ADARB2: variants seen among roughly 807,000 people sequenced by gnomAD.
ADARB2 encodes adenosine deaminase RNA specific B2 (inactive), also known as inactive double-stranded RNA-specific editase B2.
A neutral mutation model predicts 62.2 loss-of-function variants in ADARB2; 25 were observed. The observed-to-expected ratio is 0.40, with a 90% CI of 0.29 to 0.56. The LOEUF (loss-of-function observed/expected upper bound fraction) is 0.56. Among genes scored for constraint, ADARB2 ranks in the 20% least tolerant of loss-of-function variants. ADARB2 has a pLI of 0.43. For missense variants in ADARB2, 1,071 were observed against 1,077.4 expected, an observed-to-expected ratio of 0.99 and a Z score of 0.08; for synonymous variants, 572 against 500.8, an observed-to-expected ratio of 1.14 and a Z score of -1.90.
At chr10:1,365,020 C>A (rs539626717) in intron 2 of ADARB2, among the ~76,000 whole-genome samples, 1 of 151,988 alleles carries the variant, frequency 6.6e-6, no homozygotes, top group Non-Finnish European at 1.5e-5. Context: ...TTACAGGCAC[C>A]CACCACCACG....
intron 1 of ADARB2, among the ~76,000 whole-genome samples, chr10:1,723,714 A>G (rs1564204997): frequency 6.6e-6 from 1 of 152,204 alleles, no homozygotes; most frequent in Non-Finnish European, 1.5e-5. Flanking sequence ...CCAAAGGGCC[A>G]GGAAGGGAGA....
intron 1 of ADARB2, among the ~76,000 whole-genome samples, chr10:1,563,066 G>A (rs529007084): frequency 2.6e-5 from 4 of 152,070 alleles, no homozygotes; most frequent in Non-Finnish European, 5.9e-5. Context: ...TCCTCCGCAC[G>A]TGACCTCCTG....
rs371717302 is a variant in ADARB2, at chr10:1,276,463, G to C, written c.1078-5394C>G. ...TTTTCTTCCATTTTGTAGTTTGCCT[G>C]TTCACTCTGATGGTAGTTTCTTTTG... On this transcript the variant is annotated intron_variant, in intron 3 of 9. Coordinates refer to ENST00000381312, the MANE Select transcript of ADARB2 (RefSeq NM_018702.4). 3.0e-3 allele frequency among the ~76,000 whole-genome samples: 455 copies of C among 151,950 alleles called. 3 individuals are homozygous for C. The highest frequency in any genetic ancestry group is 0.016 in the East Asian group (83 of 5,150).
intron 1 of ADARB2, among the ~76,000 whole-genome samples, chr10:1,521,122 C>T (rs754110013): frequency 2.6e-5 from 4 of 152,074 alleles, no homozygotes; most frequent in Admixed American, 6.5e-5. Context: ...ACAGGCGGCC[C>T]GGAGTCGGGT....
intron 3 of ADARB2, among the ~76,000 whole-genome samples, chr10:1,361,878 C>T (rs12774968): frequency 0.33 from 50,218 of 152,094 alleles, 9,046 homozygotes; most frequent in South Asian, 0.51. Context: ...GGGCTAAGTG[C>T]TTTTTAACTA....
In ADARB2 at chr10:1,644,004, G is replaced by C. The variant is rs1225969125; in HGVS notation, c.100+93047C>G. Among the ~76,000 whole-genome samples the C allele has an allele frequency of 3.3e-5, 5 of 152,152 alleles. 1 individual carries two copies. Among genetic ancestry groups the C allele is most frequent in the African/African-American group, 4.8e-5 (2 of 41,432 alleles). On this transcript the variant is annotated intron_variant, in intron 1 of 9. Coordinates refer to ENST00000381312, the MANE Select transcript of ADARB2 (RefSeq NM_018702.4). ...TACCGAATCGCACGCAGCCCACACG[G>C]CTGTCTCCCGGCCCCACTCGGCCCA... is the stretch of plus-strand genomic sequence containing the variant.
At chr10:1,324,097 G>A (rs2131828879) in intron 3 of ADARB2, among the ~76,000 whole-genome samples, 1 of 152,304 alleles carries the variant, frequency 6.6e-6, no homozygotes. Flanking sequence ...AAGACACAAA[G>A]ACTTTTCAGA....
intron 1 of ADARB2, among the ~76,000 whole-genome samples, chr10:1,556,178 C>G (rs77862702): frequency 6.6e-6 from 1 of 152,008 alleles, no homozygotes; most frequent in Non-Finnish European, 1.5e-5. Flanking sequence ...AACGAGGACA[C>G]GGCTTCAGGG....
chr10:1,257,875 A>AGG (rs1831094168), intron 4 of ADARB2, among the ~76,000 whole-genome samples: 1 of 152,236 alleles, frequency 6.6e-6, no homozygotes. Context: ...CTGGGGAAGC[A>AGG]GGGAGTGTAA....
At chr10:1,225,000 A>G (rs575571729) in intron 6 of ADARB2, among the ~76,000 whole-genome samples, 1 of 152,168 alleles carries the variant, frequency 6.6e-6, no homozygotes, top group South Asian at 2.1e-4. Context: ...TGATCTGTCT[A>G]ATTTTGACAG....
chr10:1,674,659 G>A (rs1418787096), intron 1 of ADARB2, among the ~76,000 whole-genome samples: 12 of 152,068 alleles, frequency 7.9e-5, no homozygotes, highest in Admixed American at 5.9e-4. Flanking sequence ...TTAGATCACC[G>A]TGTGATGCAT....
intron 1 of ADARB2, among the ~76,000 whole-genome samples, chr10:1,394,511 C>G (rs528155822): frequency 3.8e-4 from 58 of 152,338 alleles, no homozygotes; most frequent in African/African-American, 1.4e-3. Context: ...GTTCACCAAT[C>G]TATTTGTTAA....
intron 8 of ADARB2, among the ~76,000 whole-genome samples, chr10:1,192,868 G>T (rs904638914): frequency 6.6e-6 from 1 of 152,228 alleles, no homozygotes; most frequent in Non-Finnish European, 1.5e-5. Flanking sequence ...GCGTGAACCC[G>T]GGAGGCAGAG....
intron 6 of ADARB2, among the ~76,000 whole-genome samples, chr10:1,232,163 ATAGCACACACACC>A (rs980514117): frequency 4.6e-5 from 7 of 151,596 alleles, no homozygotes; most frequent in African/African-American, 1.7e-4. Context: ...CACCACACAC[ATAGCACACACACC>A]GCACACACAC....
At chr10:1,301,195 G>A (rs1218140909) in intron 3 of ADARB2, among the ~76,000 whole-genome samples, 1 of 152,192 alleles carries the variant, frequency 6.6e-6, no homozygotes, top group East Asian at 1.9e-4. Flanking sequence ...AGGTCCACAC[G>A]GTTATGGACT....
chr10:1,221,853 A>G (rs1471319645), intron 6 of ADARB2, among the ~76,000 whole-genome samples: 1 of 152,140 alleles, frequency 6.6e-6, no homozygotes, highest in African/African-American at 2.4e-5. Flanking sequence ...AGTCTTTGCT[A>G]TTGTGAACAG....
intron 4 of ADARB2, among the ~76,000 whole-genome samples, chr10:1,269,492 C>G (rs1477732934): frequency 1.3e-5 from 2 of 152,202 alleles, no homozygotes; most frequent in African/African-American, 4.8e-5. Context: ...TTTCTAAGAG[C>G]TGGAAATACA....
intron 1 of ADARB2, among the ~76,000 whole-genome samples, chr10:1,575,778 C>T (rs74108921): frequency 0.32 from 48,136 of 152,040 alleles, 7,820 homozygotes; most frequent in African/African-American, 0.36. Flanking sequence ...GAGAGCCTGG[C>T]GGTTTGGCTC....
chr10:1,602,704 C>A (rs939618787), intron 1 of ADARB2, among the ~76,000 whole-genome samples: 3 of 74,348 alleles, frequency 4.0e-5, no homozygotes, highest in African/African-American at 1.5e-4. Context: ...ATACACACAT[C>A]CACACACATA....
Sources: gnomAD v4.1 joint callset for allele counts (sites outside exome capture counted in the v4.1 genomes callset) on GRCh38, gnomAD v4.1.1 for gene constraint, MANE v1.5 for transcripts, NCBI Gene and HGNC (gene_info 2026-07-23, HGNC 2026-07-21) for gene names.